POU2F1: variants seen among roughly 807,000 people sequenced by gnomAD.
POU2F1 encodes POU class 2 homeobox 1.
Under a neutral mutation model 84.9 loss-of-function variants are expected in POU2F1, and 16 were observed. The ratio of observed to expected loss-of-function variants is 0.19; its 90% CI spans 0.13 to 0.29. POU2F1 has a LOEUF of 0.29. Among genes scored for constraint, POU2F1 ranks in the 10% least tolerant of loss-of-function variants. The pLI is 1.00. For synonymous variants in POU2F1, 368 were observed against 368.3 expected (o/e 1.00, Z 0.01); for missense variants, 738 against 942.6 (o/e 0.78, Z 2.84).
In POU2F1 at chr1:167,405,103, G is replaced by A. The variant is rs141466655; in HGVS notation, c.1555+3547G>A. Among the ~76,000 whole-genome samples, 799 of 152,240 alleles carry A rather than the reference G, an allele frequency of 5.2e-3. 8 individuals carry two copies. Among genetic ancestry groups the A allele is most frequent in the African/African-American group, 0.018 (739 of 41,542 alleles). ...AAGTGAGCATTGCCATACTCCTCCA[G>A]AAAGACGAGTGTTCCATTGTGTCTC... On this transcript the variant is annotated intron_variant, in intron 13 of 15. Transcript: ENST00000367866.
In POU2F1 at chr1:167,371,937, G is replaced by T. The variant is rs371323065; in HGVS notation, c.303G>T (p.Ser101=). ...CTCAGTCTAAATCTAATGAAGAATC[G>T]GGGGATTCGCAGCAGCCAAGCCAGC... ...LNVQSKSNEE[S]GDSQQPSQPS... Residue 101 remains serine (S), a synonymous_variant, in exon 5 of 16, where the codon TCG becomes TCT. Transcript: ENST00000367866. 6.2e-7 allele frequency: 1 copy of T among 1,613,884 alleles called. No individual in the cohort carries two copies. Among genetic ancestry groups the T allele is most frequent in the Admixed American group, 1.7e-5 (1 of 60,000 alleles).
chr1:167,250,761 T>A (rs1650668158), intron 1 of POU2F1, among the ~76,000 whole-genome samples: 1 of 152,224 alleles, frequency 6.6e-6, no homozygotes, highest in Non-Finnish European at 1.5e-5. Context: ...CAGCATATCC[T>A]AAACATTTCA....
At chr1:167,299,396 T>C (rs1360565461) in intron 1 of POU2F1, among the ~76,000 whole-genome samples, 1 of 152,200 alleles carries the variant, frequency 6.6e-6, no homozygotes, top group Admixed American at 6.5e-5. Flanking sequence ...TACATACATA[T>C]TTAATATGTT....
At chr1:167,234,568 CA>C (rs1006455673) in intron 1 of POU2F1, among the ~76,000 whole-genome samples, 29 of 152,046 alleles carry the variant, frequency 1.9e-4, no homozygotes, top group African/African-American at 6.0e-4. Context: ...CTTCTCTCTG[CA>C]AAAAAATTTA....
chr1:167,379,152 T>TG (rs1329732710), intron 7 of POU2F1: 8 of 152,538 alleles, frequency 5.2e-5, no homozygotes, highest in African/African-American at 1.7e-4. Flanking sequence ...AGGCTGGTCT[T>TG]GAACTCCTGG....
At chr1:167,318,175 CT>C (rs1246574126) in intron 1 of POU2F1, among the ~76,000 whole-genome samples, 1 of 152,110 alleles carries the variant, frequency 6.6e-6, no homozygotes, top group Non-Finnish European at 1.5e-5. Flanking sequence ...CTTTTTTATT[CT>C]TTCCCAAATT....
chr1:167,356,914 A>G (rs1402975615), intron 2 of POU2F1, among the ~76,000 whole-genome samples: 1 of 152,108 alleles, frequency 6.6e-6, no homozygotes, highest in African/African-American at 2.4e-5. Flanking sequence ...GAAGTTGTAG[A>G]CATGCCCATC....
chr1:167,369,580 G>T (rs1400483974), intron 3 of POU2F1, among the ~76,000 whole-genome samples: 2 of 152,090 alleles, frequency 1.3e-5, no homozygotes. Context: ...TGTATGAAAT[G>T]TATTAAATGT....
chr1:167,408,981 A>G (rs1649776069), intron 13 of POU2F1, among the ~76,000 whole-genome samples: 1 of 152,174 alleles, frequency 6.6e-6, no homozygotes, highest in Non-Finnish European at 1.5e-5. Context: ...TGATCTGCAA[A>G]TGTTTTCTCT....
chr1:167,240,619 A>G (rs969270926), intron 1 of POU2F1, among the ~76,000 whole-genome samples: 18 of 152,210 alleles, frequency 1.2e-4, no homozygotes, highest in Non-Finnish European at 2.5e-4. Context: ...TTCTTCCAAG[A>G]TAAGTGTTTC....
At chr1:167,268,612 C>T (rs1195580828) in intron 1 of POU2F1, among the ~76,000 whole-genome samples, 1 of 152,194 alleles carries the variant, frequency 6.6e-6, no homozygotes, top group East Asian at 1.9e-4. Context: ...TACAGCAGAT[C>T]CTCATTACCT....
intron 1 of POU2F1, among the ~76,000 whole-genome samples, chr1:167,324,646 CCT>C (rs1656567021): frequency 6.6e-6 from 1 of 152,138 alleles, no homozygotes; most frequent in Non-Finnish European, 1.5e-5. Context: ...CCATATTGTG[CCT>C]GAGTCCCCAA....
chr1:167,370,124 A>G (rs777485524), intron 3 of POU2F1, 37 bp from the exon 4 acceptor site: 17 of 1,553,710 alleles, frequency 1.1e-5, no homozygotes, highest in Non-Finnish European at 1.4e-5. Context: ...ATGAATGTCA[A>G]CAGTATTAAA....
chr1:167,222,410 T>TA (rs1648299307), intron 1 of POU2F1, among the ~76,000 whole-genome samples: 1 of 152,198 alleles, frequency 6.6e-6, no homozygotes, highest in Non-Finnish European at 1.5e-5. Context: ...AGACCTTTAA[T>TA]AACAGCCACT....
chr1:167,239,067 C>A (rs925654785), intron 1 of POU2F1, among the ~76,000 whole-genome samples: 5 of 152,120 alleles, frequency 3.3e-5, no homozygotes, highest in Admixed American at 3.3e-4. Flanking sequence ...TAAGGTGTAA[C>A]CCTGACAAAC....
intron 1 of POU2F1, among the ~76,000 whole-genome samples, chr1:167,235,145 C>G (rs1412144844): frequency 6.6e-6 from 1 of 152,092 alleles, no homozygotes; most frequent in Admixed American, 6.5e-5. Flanking sequence ...TTAATCATGC[C>G]CTGCATCACC....
At chr1:167,371,239 A>G (rs1210278482) in intron 4 of POU2F1, among the ~76,000 whole-genome samples, 2 of 152,226 alleles carry the variant, frequency 1.3e-5, no homozygotes, top group African/African-American at 2.4e-5. Context: ...ACAGTCCTGC[A>G]CTGTAATTAT....
intron 1 of POU2F1, among the ~76,000 whole-genome samples, chr1:167,261,722 C>T (rs928057360): frequency 5.3e-5 from 8 of 152,268 alleles, no homozygotes; most frequent in South Asian, 4.2e-4. Context: ...CTCTGTTGCC[C>T]AGGCTGGAGT....
chr1:167,284,117 T>G (rs1013044350), intron 1 of POU2F1, among the ~76,000 whole-genome samples: 1 of 152,346 alleles, frequency 6.6e-6, no homozygotes, highest in African/African-American at 2.4e-5. Context: ...CAATTTTTCT[T>G]CCTTCATTTT....
Sources: gnomAD v4.1 joint callset for allele counts (sites outside exome capture counted in the v4.1 genomes callset) on GRCh38, gnomAD v4.1.1 for gene constraint, MANE v1.5 for transcripts, NCBI Gene and HGNC (gene_info 2026-07-23, HGNC 2026-07-21) for gene names.